Variants in MAB21L4 observed in about 807,000 individuals in gnomAD.
The protein encoded by MAB21L4 is mab-21 like 4.
A neutral mutation model predicts 32.4 loss-of-function variants in MAB21L4; 25 were observed. That is an observed-to-expected ratio of 0.77 (90% CI 0.56 to 1.08). MAB21L4 has a LOEUF of 1.08. Among genes scored for constraint, MAB21L4 ranks in the 50% least tolerant of loss-of-function variants. MAB21L4 has a pLI of 0.00. For missense variants in MAB21L4, 638 were observed against 611.0 expected (o/e 1.04, Z -0.47); for synonymous variants, 280 against 276.8 (o/e 1.01, Z -0.11).
In MAB21L4 at chr2:240,888,278, C is replaced by A; in HGVS notation, c.1251+14G>T. 6.6e-7 allele frequency: 1 copy of A among 1,523,952 alleles called. No individual in the cohort carries two copies. Among genetic ancestry groups the A allele is most frequent in the East Asian group, 2.3e-5 (1 of 42,672 alleles). The allele number at this position is 1,523,952 out of a possible 1,614,324, so 94.4% of individuals were successfully genotyped here. On this transcript the variant is annotated intron_variant, in intron 4 of 4. Transcript: ENST00000388934. ...CCCCCGGGCCTGCCCAAGGCCCCCGCAGCCAGCACCCACCTTGTCCAGCAG... is the reference window on the plus strand; with the variant it reads ...CCCCCGGGCCTGCCCAAGGCCCCCGAAGCCAGCACCCACCTTGTCCAGCAG...
chr2:240,890,858 T>C (rs921842967), intron 2 of MAB21L4, among the ~76,000 whole-genome samples: 14 of 152,354 alleles, frequency 9.2e-5, no homozygotes, highest in Non-Finnish European at 1.6e-4. Context: ...ACGCCGCCCC[T>C]GCCTCGCGTG....
At chr2:240,893,054 G>C (rs957420217) in intron 1 of MAB21L4, among the ~76,000 whole-genome samples, 4 of 152,052 alleles carry the variant, frequency 2.6e-5, no homozygotes, top group South Asian at 2.1e-4. Context: ...CCCAGGGACC[G>C]GAGGAGAGGC....
In MAB21L4 at chr2:240,895,612, A is replaced by T. The variant is rs1338206011; in HGVS notation, c.386T>A (p.Phe129Tyr). ...GLERWTTEDT[F>Y]TASSEGDAKC... The stretch of plus-strand genomic sequence containing the variant: ...GGCGTCACCCTCCGAGGAGGCAGTG[A>T]AGGTATCCTCGGTGGTCCACCGCTC... The change falls in exon 1 of 5, where the codon TTC (phenylalanine) becomes TAC (tyrosine). Residue 129 changes from phenylalanine (F) to tyrosine (Y), a missense_variant. Phe to Tyr is a conservative substitution (Grantham distance 22, BLOSUM62 3). Transcript: ENST00000388934. The T allele has an allele frequency of 1.9e-6, 3 of 1,612,780 alleles. No individual in the cohort carries two copies. Among genetic ancestry groups the T allele is most frequent in the Non-Finnish European group, 1.7e-6 (2 of 1,179,958 alleles).
At chr2:240,890,905 C>T (rs1402863995) in intron 2 of MAB21L4, among the ~76,000 whole-genome samples, 1 of 152,222 alleles carries the variant, frequency 6.6e-6, no homozygotes, top group African/African-American at 2.4e-5. Context: ...GTGACTGGCG[C>T]TCCGCTGAGC....
intron 1 of MAB21L4, 132 bp downstream of exon 1, chr2:240,895,351 GA>G: frequency 1.2e-6 from 1 of 839,740 alleles, no homozygotes; most frequent in South Asian, 1.8e-5. Flanking sequence ...GTCACACACA[GA>G]AGACAGTCGC....
chr2:240,892,878 A>G (rs980321541), intron 1 of MAB21L4, among the ~76,000 whole-genome samples: 4 of 152,106 alleles, frequency 2.6e-5, no homozygotes, highest in African/African-American at 9.7e-5. Flanking sequence ...CCAGGGTGTA[A>G]TGGGGCTGGA....
chr2:240,896,572 G>A (rs1049282904), upstream of MAB21L4, among the ~76,000 whole-genome samples: 2 of 152,174 alleles, frequency 1.3e-5, no homozygotes, highest in Non-Finnish European at 2.9e-5. Context: ...ACCCCGCTGT[G>A]GGGGAGCCCC....
At position 240,891,573 on chromosome 2, in the gene MAB21L4, C is replaced by G. The variant is rs778034186; in HGVS notation, c.705G>C (p.Gly235=). ...EGSLRRILSQ[G]VDLVPASAQL... ...GGGCGCTGGCCGGCACCAGGTCCAC[C>G]CCTTGGCTGAGGATCCTTCTCAAGC... The change falls in exon 2 of 5, where the codon GGG becomes GGC. Residue 235 remains glycine (G), a synonymous_variant. Coordinates refer to ENST00000388934, the MANE Select transcript of MAB21L4 (RefSeq NM_001085437.3). 3 of 1,611,054 alleles carry G rather than the reference C, an allele frequency of 1.9e-6. No homozygotes were observed. The highest frequency in any genetic ancestry group is 2.5e-6 in the Non-Finnish European group (3 of 1,179,902).
Position 240,888,383 on chromosome 2 carries a change from C to T in MAB21L4, c.1160G>A (p.Arg387His), listed in dbSNP as rs372313713. ...ATHLGRSPPP[R>H]IGSGLKALLQ... ...GAGCGCCTTGAGCCCGGAGCCGATGCGCGGCGGGGGGCTGCGGCCCAGGTG... is the reference window on the plus strand; with the variant it reads ...GAGCGCCTTGAGCCCGGAGCCGATGTGCGGCGGGGGGCTGCGGCCCAGGTG... The change falls in exon 4 of 5, where the codon CGC (arginine) becomes CAC (histidine). Residue 387 changes from arginine (R) to histidine (H), a missense_variant. By Grantham distance (29) the Arg-to-His change is conservative. Coordinates refer to ENST00000388934, the MANE Select transcript of MAB21L4 (RefSeq NM_001085437.3). The T allele has an allele frequency of 3.6e-4, 564 of 1,562,806 alleles. No homozygotes were observed. The highest frequency in any genetic ancestry group is 4.8e-4 in the Non-Finnish European group (552 of 1,157,442).
intron 1 of MAB21L4, among the ~76,000 whole-genome samples, chr2:240,892,252 A>C (rs771579586): frequency 1.2e-4 from 18 of 152,148 alleles, no homozygotes; most frequent in Non-Finnish European, 1.8e-4. Flanking sequence ...AGGCAGCAGC[A>C]GTCCAGGCTG....
Position 240,888,440 on chromosome 2 carries a change from T to A in MAB21L4, c.1103A>T (p.Gln368Leu), listed in dbSNP as rs781422443. ...IYQRVEGFAS[Q>L]PEAALRIHAT... Reference sequence around the variant, plus strand: ...GTGGATGCGCAGGGCCGCCTCGGGCTGGCTGGCGAAGCCCTCCACGCGCTG... The same window carrying A: ...GTGGATGCGCAGGGCCGCCTCGGGCAGGCTGGCGAAGCCCTCCACGCGCTG... The change falls in exon 4 of 5, where the codon CAG becomes CTG. Residue 368 changes from glutamine (Q) to leucine (L), a missense_variant. Transcript: ENST00000388934. 7 of 1,568,868 alleles carry A rather than the reference T, an allele frequency of 4.5e-6. No homozygotes were observed. Among genetic ancestry groups the A allele is most frequent in the Non-Finnish European group, 6.0e-6 (7 of 1,159,982 alleles).
intron 1 of MAB21L4, among the ~76,000 whole-genome samples, chr2:240,893,373 G>T (rs1318161508): frequency 1.3e-5 from 2 of 152,338 alleles, no homozygotes; most frequent in African/African-American, 4.8e-5. Flanking sequence ...TCCCACAGGG[G>T]CCTCAGTTCC....
chr2:240,891,912 C>T (rs1260789719), intron 1 of MAB21L4, 149 bp from the exon 2 acceptor site: 2 of 1,573,618 alleles, frequency 1.3e-6, no homozygotes, highest in Non-Finnish European at 1.7e-6. Flanking sequence ...CAGGCTGCAG[C>T]TCCCCAACCC....
chr2:240,892,023 T>G lies in MAB21L4; in HGVS notation c.515-260A>C, dbSNP rs372473865. 3,369 of 1,490,900 alleles carry G rather than the reference T, an allele frequency of 2.3e-3. 12 individuals are homozygous for G. The highest frequency in any genetic ancestry group is 3.5e-3 in the South Asian group (271 of 77,518). 92.4% of individuals were successfully genotyped at this position (1,490,900 alleles called of 1,614,324 possible). A position where few individuals can be genotyped will look rare whatever the true frequency, so the allele number is the denominator to read the frequency against. On this transcript the variant is annotated intron_variant, in intron 1 of 4. Transcript: ENST00000388934. ...TCGGCACAACTGTCAGCTCAGCGAC[T>G]TGCAGCACCAGTGATGACAGCAGCG...
intron 4 of MAB21L4, among the ~76,000 whole-genome samples, chr2:240,887,862 G>T (rs1169390687): frequency 6.6e-6 from 1 of 152,156 alleles, no homozygotes; most frequent in Non-Finnish European, 1.5e-5. Context: ...AGGGGACACA[G>T]GGTCCCAAGG....
chr2:240,893,447 C>A (rs13422506), intron 1 of MAB21L4, among the ~76,000 whole-genome samples: 56,802 of 152,160 alleles, frequency 0.37, 10,829 homozygotes, highest in Non-Finnish European at 0.4. Flanking sequence ...TTCAGAGCCG[C>A]CTCTAGTGGC....
chr2:240,893,448 C>A (rs1010075445), intron 1 of MAB21L4, among the ~76,000 whole-genome samples: 21 of 152,228 alleles, frequency 1.4e-4, no homozygotes, highest in African/African-American at 4.8e-4. Context: ...TCAGAGCCGC[C>A]TCTAGTGGCC....
chr2:240,892,525 G>A (rs1400380226), intron 1 of MAB21L4, among the ~76,000 whole-genome samples: 2 of 152,202 alleles, frequency 1.3e-5, no homozygotes, highest in Non-Finnish European at 2.9e-5. Context: ...ATGGAGAGAA[G>A]AGGCGGCGGC....
chr2:240,887,392 G>A (rs943168860), intron 4 of MAB21L4, among the ~76,000 whole-genome samples: 1 of 152,236 alleles, frequency 6.6e-6, no homozygotes, highest in African/African-American at 2.4e-5. Flanking sequence ...CCTACACTGA[G>A]GAGGAGGCCC....
Sources: allele counts gnomAD v4.1 joint callset (sites outside exome capture counted in the v4.1 genomes callset), GRCh38; gene constraint gnomAD v4.1.1; transcripts MANE v1.5; gene names NCBI Gene and HGNC (gene_info 2026-07-23, HGNC 2026-07-21).